The following ADAMTS2 variants were observed in gnomAD, a reference collection of about 807,000 sequenced individuals.
ADAMTS2 encodes the protein A disintegrin and metalloproteinase with thrombospondin motifs 2.
In ADAMTS2, 50 loss-of-function variants were observed where a neutral mutation model predicts 123.0. The ratio of observed to expected loss-of-function variants is 0.41; its 90% CI spans 0.32 to 0.51. The LOEUF (loss-of-function observed/expected upper bound fraction) is 0.51, where lower values mean the gene tolerates loss of function less well. Ranked by LOEUF, ADAMTS2 falls within the 20% of genes least tolerant of loss-of-function variation. The probability of loss-of-function intolerance (pLI) is 0.35; values close to 1 mark genes in which losing one functional copy is unlikely to be tolerated. For synonymous variants in ADAMTS2, 678 were observed against 695.4 expected (o/e 0.98, Z 0.39); for missense variants, 1,494 against 1,705.2 (o/e 0.88, Z 2.18).
chr5:179,252,674 T>G (rs1325066987), intron 3 of ADAMTS2, among the ~76,000 whole-genome samples: 1 of 152,198 alleles, frequency 6.6e-6, no homozygotes, highest in Non-Finnish European at 1.5e-5. Context: ...AGATTTGCAC[T>G]TAATTGACCA....
chr5:179,341,319 T>C, intron 2 of ADAMTS2: 1 of 377,956 alleles, frequency 2.6e-6, no homozygotes, highest in Admixed American at 3.1e-5. Context: ...GTCGGGAGTT[T>C]GAGACCAGCC....
At chr5:179,293,628 T>TTTC (rs1756250038) in intron 2 of ADAMTS2, among the ~76,000 whole-genome samples, 1 of 152,154 alleles carries the variant, frequency 6.6e-6, no homozygotes, top group Non-Finnish European at 1.5e-5. Context: ...TGTTTGTTTT[T>TTTC]CTCAAGATGG....
rs574735794 is a variant in ADAMTS2, at chr5:179,132,846, C to T, written c.2140G>A (p.Val714Met). Residue 714 changes from valine to methionine, a missense_variant, in exon 14 of 22, where the codon GTG becomes ATG. Val to Met is a conservative substitution (Grantham distance 21). Transcript: ENST00000251582. This position sits in a 1 kb window ranked among gnomAD's most constrained non-coding sequence, Gnocchi z 6.1. ...CAGTGGCTGTTGTCCCCTCCGCACA[C>T]GCCACACTTGTCTTCCTGCTTGCTG... is the stretch of plus-strand genomic sequence containing the variant. ...GSSKQEDKCG[V>M]CGGDNSHCKV... 56 of 1,614,064 alleles carry T rather than the reference C, an allele frequency of 3.5e-5. No individual in the cohort carries two copies. Among genetic ancestry groups the T allele is most frequent in the East Asian group, 2.0e-4 (9 of 44,868 alleles).
chr5:179,271,729 T>G (rs1192977115), intron 3 of ADAMTS2, among the ~76,000 whole-genome samples: 2 of 152,254 alleles, frequency 1.3e-5, no homozygotes. Flanking sequence ...CAGAGTACAT[T>G]GGGCTTCCTG....
chr5:179,131,024 C>G (rs7722433), intron 15 of ADAMTS2, among the ~76,000 whole-genome samples: 1 of 151,874 alleles, frequency 6.6e-6, no homozygotes, highest in Non-Finnish European at 1.5e-5. Flanking sequence ...AAAGTTTCCT[C>G]TTAAGAGGCG....
chr5:179,243,680 A>C (rs1157516484), intron 3 of ADAMTS2, among the ~76,000 whole-genome samples: 1 of 152,250 alleles, frequency 6.6e-6, no homozygotes, highest in African/African-American at 2.4e-5. Flanking sequence ...GGCAACAGAC[A>C]CTGCTGGTAA....
chr5:179,263,938 G>C (rs1173234987), intron 3 of ADAMTS2, among the ~76,000 whole-genome samples: 2 of 152,236 alleles, frequency 1.3e-5, no homozygotes, highest in Non-Finnish European at 2.9e-5. Context: ...AAATATTTCA[G>C]GCTTGGAGCT....
intron 4 of ADAMTS2, among the ~76,000 whole-genome samples, chr5:179,203,883 A>G (rs1009305312): frequency 1.6e-4 from 21 of 134,862 alleles, no homozygotes; most frequent in Admixed American, 7.7e-4. Flanking sequence ...AACGGAAAAC[A>G]GAGTCTGGAA....
intron 4 of ADAMTS2, among the ~76,000 whole-genome samples, chr5:179,203,301 G>C (rs1215204557): frequency 6.6e-6 from 1 of 152,200 alleles, no homozygotes; most frequent in Non-Finnish European, 1.5e-5. Context: ...GCCCAGGGCT[G>C]GCCCCCAGAC....
chr5:179,320,484 T>C (rs1000220080), intron 2 of ADAMTS2, among the ~76,000 whole-genome samples: 2 of 151,774 alleles, frequency 1.3e-5, no homozygotes, highest in African/African-American at 4.8e-5. Flanking sequence ...ATTTTTTTTT[T>C]TTTTTTTGTA....
intron 21 of ADAMTS2, among the ~76,000 whole-genome samples, chr5:179,114,697 A>C (rs1005885812): frequency 1.3e-5 from 2 of 152,242 alleles, no homozygotes; most frequent in Non-Finnish European, 2.9e-5. Context: ...TTCACATTTG[A>C]CATCCCAGTG....
chr5:179,215,669 G>A (rs1215075655), intron 3 of ADAMTS2, among the ~76,000 whole-genome samples: 1 of 152,166 alleles, frequency 6.6e-6, no homozygotes, highest in African/African-American at 2.4e-5. Context: ...GTGGGAGGCT[G>A]GAAACAGATG....
chr5:179,284,787 T>G (rs928582958), intron 2 of ADAMTS2, among the ~76,000 whole-genome samples: 10 of 152,206 alleles, frequency 6.6e-5, no homozygotes, highest in African/African-American at 2.4e-4. Flanking sequence ...TTTTGACCAC[T>G]TAAGGAACAG....
intron 3 of ADAMTS2, among the ~76,000 whole-genome samples, chr5:179,229,859 G>A (rs182966332): frequency 6.3e-4 from 96 of 152,222 alleles, no homozygotes; most frequent in East Asian, 5.6e-3. Flanking sequence ...CCCCTTTCTC[G>A]GGGTTCTCCA....
intron 4 of ADAMTS2, among the ~76,000 whole-genome samples, chr5:179,199,242 G>T (rs1184917578): frequency 1.3e-5 from 2 of 152,204 alleles, no homozygotes. Flanking sequence ...GTAAGTGAAG[G>T]CTCCTGGGGC....
At chr5:179,199,658 A>C (rs1322781778) in intron 4 of ADAMTS2, among the ~76,000 whole-genome samples, 1 of 152,014 alleles carries the variant, frequency 6.6e-6, no homozygotes, top group African/African-American at 2.4e-5. Flanking sequence ...AGGACCCCGT[A>C]CCTGAGGAGC....
rs1041922016 is a variant in ADAMTS2 at position 179,326,815 on chromosome 5, C to T, written c.534+16952G>A. ...GGAGCGAGATCGCGTCTGACTCCAGCGCACGGGACCTTGCAGGGGCTGATG... is the reference window on the plus strand; with the variant it reads ...GGAGCGAGATCGCGTCTGACTCCAGTGCACGGGACCTTGCAGGGGCTGATG... On this transcript the variant is annotated intron_variant, in intron 2 of 21. Transcript: ENST00000251582. 7.9e-5 allele frequency among the ~76,000 whole-genome samples: 12 copies of T among 152,036 alleles called. No individual in the cohort carries two copies. The East Asian group carries it at 9.7e-4, about 12-fold the overall frequency.
At chr5:179,267,095 A>C (rs1323491404) in intron 3 of ADAMTS2, among the ~76,000 whole-genome samples, 1 of 152,064 alleles carries the variant, frequency 6.6e-6, no homozygotes, top group Non-Finnish European at 1.5e-5. Flanking sequence ...CCCAGGGGGA[A>C]CTGTCATGCC....
intron 3 of ADAMTS2, among the ~76,000 whole-genome samples, chr5:179,251,397 A>T (rs1456132186): frequency 6.6e-6 from 1 of 151,614 alleles, no homozygotes; most frequent in African/African-American, 2.4e-5. Context: ...CAGGCCTCAG[A>T]CCCCCTCCAT....
Sources: allele counts gnomAD v4.1 joint callset (sites outside exome capture counted in the v4.1 genomes callset), GRCh38; gene constraint gnomAD v4.1.1; non-coding constraint Gnocchi (gnomAD v3.1); transcripts MANE v1.5; gene names NCBI Gene and HGNC (gene_info 2026-07-23, HGNC 2026-07-21).